RNGTT: variants seen among roughly 807,000 people sequenced by gnomAD.
RNGTT encodes the protein mRNA-capping enzyme.
Under a neutral mutation model 79.3 loss-of-function variants are expected in RNGTT, and 33 were observed. The ratio of observed to expected loss-of-function variants is 0.42; its 90% CI spans 0.32 to 0.56. RNGTT has a LOEUF of 0.56. RNGTT is among the 20% of genes least tolerant of loss of function. RNGTT has a pLI of 0.17. For synonymous variants in RNGTT, 222 were observed against 235.9 expected, an observed-to-expected ratio of 0.94 and a Z score of 0.54; for missense variants, 497 against 739.1, an observed-to-expected ratio of 0.67 and a Z score of 3.80.
chr6:88,940,203 G>A (rs1183136856), intron 2 of RNGTT, among the ~76,000 whole-genome samples: 4 of 151,384 alleles, frequency 2.6e-5, no homozygotes, highest in Non-Finnish European at 4.4e-5. Flanking sequence ...TCAGCCTCCC[G>A]AGTATGCTGG....
At chr6:88,879,436 G>C (rs1274863019) in intron 8 of RNGTT, among the ~76,000 whole-genome samples, 1 of 152,102 alleles carries the variant, frequency 6.6e-6, no homozygotes, top group Admixed American at 6.6e-5. Context: ...AGCAAATACA[G>C]AAGCTGCCTA....
rs570188218 is a variant in RNGTT, at chr6:88,637,116, G to A, written c.1507-22721C>T. ...ACAAACCATTTGGTAGACATGGGGG[G>A]TCTCAACTTGGTTAGTTTGCTTTCC... is the stretch of plus-strand genomic sequence containing the variant. On this transcript the variant is annotated intron_variant, in intron 14 of 15. Coordinates refer to ENST00000369485, the MANE Select transcript of RNGTT (RefSeq NM_003800.5). 1.6e-4 allele frequency among the ~76,000 whole-genome samples: 24 copies of A among 152,080 alleles called. No individual in the cohort carries two copies. In the South Asian group the frequency reaches 5.0e-3, roughly 32 times the overall value.
At chr6:88,771,315 G>GTGTGTGTGTGTATATATATATATATA (rs1303688973) in intron 12 of RNGTT, among the ~76,000 whole-genome samples, 1 of 62,068 alleles carries the variant, frequency 1.6e-5, no homozygotes, top group East Asian at 4.9e-4. Flanking sequence ...GTGTGTGTGT[G>GTGTGTGTGTGTATATATATATATATA]TATATATATA....
At chr6:88,959,628 C>T (rs1486974827) in intron 1 of RNGTT, among the ~76,000 whole-genome samples, 1 of 152,146 alleles carries the variant, frequency 6.6e-6, no homozygotes, top group African/African-American at 2.4e-5. Flanking sequence ...TTGTCTTTCA[C>T]CTGGACTACA....
intron 13 of RNGTT, among the ~76,000 whole-genome samples, chr6:88,689,153 A>T (rs1775386095): frequency 6.6e-6 from 1 of 152,118 alleles, no homozygotes; most frequent in African/African-American, 2.4e-5. Context: ...TTAAGTCCAT[A>T]CCAATAGGCC....
intron 14 of RNGTT, among the ~76,000 whole-genome samples, chr6:88,671,607 A>G (rs1437430508): frequency 6.6e-6 from 1 of 152,172 alleles, no homozygotes; most frequent in Non-Finnish European, 1.5e-5. Context: ...AGCCAATCCT[A>G]AAAGTCATAT....
At chr6:88,773,696 G>A (rs1211350900) in intron 12 of RNGTT, among the ~76,000 whole-genome samples, 1 of 152,070 alleles carries the variant, frequency 6.6e-6, no homozygotes, top group Non-Finnish European at 1.5e-5. Context: ...CCACAAGGAT[G>A]CCAAGCCCAT....
intron 14 of RNGTT, among the ~76,000 whole-genome samples, chr6:88,646,660 G>T (rs929879460): frequency 9.2e-5 from 14 of 152,144 alleles, no homozygotes; most frequent in Non-Finnish European, 1.2e-4. Flanking sequence ...ATACTATGCA[G>T]CCATAAAAAA....
intron 14 of RNGTT, among the ~76,000 whole-genome samples, chr6:88,641,545 T>C (rs1773321652): frequency 6.6e-6 from 1 of 152,130 alleles, no homozygotes; most frequent in Non-Finnish European, 1.5e-5. Flanking sequence ...AAAATTCCAG[T>C]AAAGCACTGA....
At chr6:88,754,649 G>A (rs1026591517) in intron 13 of RNGTT, among the ~76,000 whole-genome samples, 5 of 152,172 alleles carry the variant, frequency 3.3e-5, no homozygotes, top group Admixed American at 6.5e-5. Context: ...TGACATGTTC[G>A]TGATGGCCAT....
rs1777535441 is a variant in RNGTT at position 88,742,741 on chromosome 6, T to C, written c.1439+27033A>G. Among the ~76,000 whole-genome samples, 3 of 152,210 alleles carry C rather than the reference T, an allele frequency of 2.0e-5. No homozygotes were observed. In the South Asian group the frequency reaches 6.2e-4, roughly 31 times the overall value. ...ACATTACAATAGCTAACTGTTGAAGTTTGGCAGCATTCACTTAAAGTGTAA... is the reference window on the plus strand; with the variant it reads ...ACATTACAATAGCTAACTGTTGAAGCTTGGCAGCATTCACTTAAAGTGTAA... On this transcript the variant is annotated intron_variant, in intron 13 of 15. Transcript: ENST00000369485.
intron 12 of RNGTT, among the ~76,000 whole-genome samples, chr6:88,797,999 T>G (rs1053873964): frequency 5.5e-5 from 8 of 144,464 alleles, no homozygotes; most frequent in Non-Finnish European, 1.0e-4. Context: ...GTACTCAGAG[T>G]GCAGAAAAAG....
chr6:88,704,816 C>T (rs952167614), intron 13 of RNGTT, among the ~76,000 whole-genome samples: 2 of 151,620 alleles, frequency 1.3e-5, no homozygotes, highest in African/African-American at 4.9e-5. Flanking sequence ...CTAGGCCAAA[C>T]TTCTATTCAT....
intron 11 of RNGTT, among the ~76,000 whole-genome samples, chr6:88,829,231 TA>T (rs1160321429): frequency 6.6e-6 from 1 of 152,118 alleles, no homozygotes; most frequent in Non-Finnish European, 1.5e-5. Flanking sequence ...TCAACATTCT[TA>T]AAGGAAAGAA....
At chr6:88,848,253 C>A (rs919101207) in intron 10 of RNGTT, among the ~76,000 whole-genome samples, 2 of 151,898 alleles carry the variant, frequency 1.3e-5, no homozygotes, top group Non-Finnish European at 2.9e-5. Context: ...AGAAATTTAG[C>A]AATGCAGATA....
chr6:88,755,661 G>A (rs905536065), intron 13 of RNGTT, among the ~76,000 whole-genome samples: 1 of 151,632 alleles, frequency 6.6e-6, no homozygotes, highest in Non-Finnish European at 1.5e-5. Flanking sequence ...GATGAGGGGA[G>A]GATGAAAAGA....
At chr6:88,678,524 A>C (rs1774969737) in intron 13 of RNGTT, 105 bp from the exon 14 acceptor site, 1 of 554,766 alleles carries the variant, frequency 1.8e-6, no homozygotes, top group African/African-American at 2.0e-5. Context: ...ATACTATAAA[A>C]TATATTAGAT....
At chr6:88,740,414 AG>A (rs1042166440) in intron 13 of RNGTT, among the ~76,000 whole-genome samples, 2 of 152,018 alleles carry the variant, frequency 1.3e-5, no homozygotes, top group Non-Finnish European at 2.9e-5. Flanking sequence ...GCTACTCGAG[AG>A]GCTGAGGTAA....
At chr6:88,697,798 G>A (rs1322341148) in intron 13 of RNGTT, among the ~76,000 whole-genome samples, 3 of 149,932 alleles carry the variant, frequency 2.0e-5, no homozygotes, top group African/African-American at 7.4e-5. Context: ...TTGAGCCCAG[G>A]GGGCAGAGGT....
Sources: allele counts gnomAD v4.1 joint callset (sites outside exome capture counted in the v4.1 genomes callset), GRCh38; gene constraint gnomAD v4.1.1; transcripts MANE v1.5; gene names NCBI Gene and HGNC (gene_info 2026-07-23, HGNC 2026-07-21).